Variants in RAD51B observed in about 807,000 individuals in gnomAD.
RAD51B encodes RAD51 paralog B, also known as DNA repair protein RAD51 homolog 2.
RAD51B carries 38 observed loss-of-function variants against 42.2 expected under a neutral mutation model. The observed-to-expected ratio is 0.90, with a 90% CI of 0.70 to 1.18. The LOEUF (loss-of-function observed/expected upper bound fraction) is 1.18. RAD51B is among the 50% of genes most tolerant of loss of function. The pLI is 0.00. For missense variants in RAD51B, 373 were observed against 400.7 expected, an observed-to-expected ratio of 0.93 and a Z score of 0.59; for synonymous variants, 154 against 145.2, an observed-to-expected ratio of 1.06 and a Z score of -0.43.
chr14:67,862,322 A>T (rs2042189580), intron 4 of RAD51B, among the ~76,000 whole-genome samples: 2 of 152,058 alleles, frequency 1.3e-5, no homozygotes. Flanking sequence ...CTGGTGGCAA[A>T]TGAGTATCGT....
intron 7 of RAD51B, among the ~76,000 whole-genome samples, chr14:68,082,053 T>G (rs1209758848): frequency 1.3e-5 from 2 of 152,016 alleles, no homozygotes; most frequent in Admixed American, 1.3e-4. Context: ...CTCCACCTTC[T>G]GGATTCAAGT....
downstream of RAD51B, among the ~76,000 whole-genome samples, chr14:68,612,106 C>T (rs1891701428): frequency 6.6e-6 from 1 of 152,188 alleles, no homozygotes; most frequent in South Asian, 2.1e-4. Context: ...CAACTTGGGA[C>T]AGAAAAATAG....
intron 7 of RAD51B, among the ~76,000 whole-genome samples, chr14:68,280,136 G>A (rs1381223296): frequency 6.6e-6 from 1 of 152,178 alleles, no homozygotes; most frequent in Admixed American, 6.5e-5. Context: ...GGACCTACTG[G>A]AGCATGGTTC....
intron 8 of RAD51B, among the ~76,000 whole-genome samples, chr14:68,402,963 A>G (rs1201367651): frequency 6.6e-6 from 1 of 152,206 alleles, no homozygotes; most frequent in African/African-American, 2.4e-5. Context: ...AAAAGCCCAG[A>G]CGGAGTCAGA....
intron 7 of RAD51B, among the ~76,000 whole-genome samples, chr14:68,252,208 A>C (rs1257890543): frequency 1.3e-5 from 2 of 152,178 alleles, no homozygotes; most frequent in African/African-American, 2.4e-5. Flanking sequence ...TTAGCTGTGG[A>C]AATTTGAGCT....
At chr14:68,582,900 A>G (rs542803010) in intron 10 of RAD51B, among the ~76,000 whole-genome samples, 2 of 152,320 alleles carry the variant, frequency 1.3e-5, no homozygotes, top group African/African-American at 4.8e-5. Flanking sequence ...AAGTGACACA[A>G]GAAGAGAAAA....
chr14:68,023,020 T>G (rs573513045), intron 7 of RAD51B, among the ~76,000 whole-genome samples: 1 of 152,338 alleles, frequency 6.6e-6, no homozygotes, highest in South Asian at 2.1e-4. Context: ...CTGTGGTATA[T>G]ATGCACCCCA....
intron 9 of RAD51B, among the ~76,000 whole-genome samples, chr14:68,462,844 A>G (rs756421269): frequency 1.3e-5 from 2 of 152,224 alleles, no homozygotes; most frequent in African/African-American, 2.4e-5. Context: ...TTAACTGCCC[A>G]CATACCACAT....
intron 7 of RAD51B, among the ~76,000 whole-genome samples, chr14:68,014,854 A>G (rs888471511): frequency 1.3e-5 from 2 of 151,406 alleles, no homozygotes; most frequent in African/African-American, 4.8e-5. Flanking sequence ...GAATGCAAAA[A>G]AAAAAAAAAA....
At chr14:68,611,416 C>T (rs2140108090) in exon 11 of RAD51B, 1 of 608,408 alleles carries the variant, frequency 1.6e-6, no homozygotes, top group Admixed American at 2.6e-5. Flanking sequence ...CTACATCTTC[C>T]TCCCACTCCT....
intron 10 of RAD51B, among the ~76,000 whole-genome samples, chr14:68,509,001 G>A (rs769889055): frequency 3.9e-4 from 60 of 152,324 alleles, no homozygotes; most frequent in Non-Finnish European, 7.1e-4. Context: ...TCTCTGCCCC[G>A]CTAGCCTAGA....
chr14:67,854,790 C>G (rs959746914), intron 4 of RAD51B, among the ~76,000 whole-genome samples: 1 of 151,638 alleles, frequency 6.6e-6, no homozygotes, highest in African/African-American at 2.4e-5. Context: ...TAGCAAGACC[C>G]TAGCTCTACA....
At chr14:68,371,136 TC>T (rs1392739806) in intron 8 of RAD51B, among the ~76,000 whole-genome samples, 4 of 152,076 alleles carry the variant, frequency 2.6e-5, no homozygotes, top group Non-Finnish European at 5.9e-5. Context: ...TGTCATTTTT[TC>T]CATTCCTAGA....
intron 7 of RAD51B, among the ~76,000 whole-genome samples, chr14:68,009,026 A>T (rs2075640666): frequency 6.6e-6 from 1 of 152,002 alleles, no homozygotes; most frequent in Non-Finnish European, 1.5e-5. Context: ...ATACATTTTT[A>T]AAAAACTATT....
chr14:68,591,541 C>G (rs1377478476), intron 10 of RAD51B, among the ~76,000 whole-genome samples: 1 of 152,214 alleles, frequency 6.6e-6, no homozygotes. Flanking sequence ...TGACTCAAAT[C>G]AAATCAACTT....
chr14:68,005,236 T>C (rs559787239), intron 7 of RAD51B, among the ~76,000 whole-genome samples: 1 of 151,858 alleles, frequency 6.6e-6, no homozygotes. Context: ...GTATTTTTAA[T>C]TGAGGTGGGG....
At chr14:67,921,964 C>T (rs2044341372) in intron 7 of RAD51B, among the ~76,000 whole-genome samples, 1 of 152,084 alleles carries the variant, frequency 6.6e-6, no homozygotes, top group East Asian at 1.9e-4. Context: ...GCTCTGACTA[C>T]CAGGATAGGC....
chr14:68,002,304 T>C (rs2075499679), intron 7 of RAD51B, among the ~76,000 whole-genome samples: 3 of 152,230 alleles, frequency 2.0e-5, no homozygotes, highest in African/African-American at 7.2e-5. Flanking sequence ...GTGGAGCTTT[T>C]TGTTATATAT....
At chr14:68,124,117 G>A (rs910405646) in intron 7 of RAD51B, among the ~76,000 whole-genome samples, 5 of 152,136 alleles carry the variant, frequency 3.3e-5, no homozygotes, top group African/African-American at 4.8e-5. Flanking sequence ...ATTAAATTTT[G>A]TAATGGTGGC....
Sources: allele counts gnomAD v4.1 joint callset (sites outside exome capture counted in the v4.1 genomes callset), GRCh38; gene constraint gnomAD v4.1.1; transcripts MANE v1.5; gene names NCBI Gene and HGNC (gene_info 2026-07-23, HGNC 2026-07-21).